DNAH9: variants seen among roughly 807,000 people sequenced by gnomAD.
DNAH9 encodes dynein axonemal heavy chain 9.
Under a neutral mutation model 471.6 loss-of-function variants are expected in DNAH9, and 345 were observed. The observed-to-expected ratio is 0.73, with a 90% CI of 0.67 to 0.80. DNAH9 has a LOEUF of 0.80. Ranked by LOEUF, DNAH9 falls within the 30% of genes least tolerant of loss-of-function variation. DNAH9 has a pLI of 0.00. For missense variants in DNAH9, 5,407 were observed against 5,609.2 expected (o/e 0.96, Z 1.15); for synonymous variants, 2,093 against 2,123.6 (o/e 0.99, Z 0.40).
At chr17:11,799,912 C>T (rs957667735) in intron 43 of DNAH9, among the ~76,000 whole-genome samples, 14 of 152,066 alleles carry the variant, frequency 9.2e-5, no homozygotes, top group African/African-American at 3.4e-4. Context: ...CTACCCGTGC[C>T]CCTAAGCAGC....
chr17:11,730,950 GAT>G (rs1491354861), intron 28 of DNAH9, among the ~76,000 whole-genome samples: 25 of 148,682 alleles, frequency 1.7e-4, no homozygotes, highest in Non-Finnish European at 3.1e-4. Context: ...CGGTGATGAT[GAT>G]GATGGTGGTG....
chr17:11,875,089 C>A lies in DNAH9; in HGVS notation c.10383C>A (p.Arg3461=). The change falls in exon 53 of 69, where the codon CGC becomes CGA. Residue 3461 remains arginine, a synonymous_variant. Transcript: ENST00000262442. ...ENATILINCE[R]WPLMVDPQLQ... ...CCACCATTCTCATCAACTGTGAGCG[C>A]TGGCCACTCATGGTTGACCCTCAGC... 1 of 1,614,168 alleles carries A rather than the reference C, an allele frequency of 6.2e-7. No homozygotes were observed. Among genetic ancestry groups the A allele is most frequent in the East Asian group, 2.2e-5 (1 of 44,878 alleles).
At chr17:11,834,261 G>A (rs571264441) in intron 48 of DNAH9, among the ~76,000 whole-genome samples, 93 of 149,578 alleles carry the variant, frequency 6.2e-4, no homozygotes, top group Non-Finnish European at 1.6e-4. Flanking sequence ...CCCAGGAGGC[G>A]GAGGTTGCAG....
intron 28 of DNAH9, among the ~76,000 whole-genome samples, chr17:11,729,129 G>A (rs1260391816): frequency 6.6e-6 from 1 of 152,178 alleles, no homozygotes; most frequent in Non-Finnish European, 1.5e-5. Flanking sequence ...CAATATGAAG[G>A]AGGGGCTGAG....
chr17:11,679,385 A>T (rs1300734947), intron 17 of DNAH9, among the ~76,000 whole-genome samples: 2 of 152,208 alleles, frequency 1.3e-5, no homozygotes, highest in Non-Finnish European at 2.9e-5. Context: ...AAATTTTGCC[A>T]CTTCTCTGAA....
Position 11,763,535 on chromosome 17 carries a change from A to T in DNAH9, c.7091A>T (p.Asp2364Val). ...CTGACCACGGAGGACATCCCTGCAG[A>T]CTGCCCTAAGGAAATTTATGAGCAT... is the stretch of plus-strand genomic sequence containing the variant. ...CLLTTEDIPADCPKEIYEHYF... is the reference protein window; with the variant it reads ...CLLTTEDIPAVCPKEIYEHYF... Residue 2364 changes from aspartate to valine, a missense_variant, in exon 36 of 69, where the codon GAC becomes GTC. Coordinates refer to ENST00000262442, the MANE Select transcript of DNAH9 (RefSeq NM_001372.4). 1 of 1,614,032 alleles carries T rather than the reference A, an allele frequency of 6.2e-7. No individual in the cohort carries two copies. The highest frequency in any genetic ancestry group is 8.5e-7 in the Non-Finnish European group (1 of 1,179,884).
intron 39 of DNAH9, among the ~76,000 whole-genome samples, chr17:11,782,009 G>A (rs562466377): frequency 3.0e-4 from 45 of 150,784 alleles, no homozygotes; most frequent in African/African-American, 8.5e-4. Context: ...AAAAAAGCAA[G>A]TCACTGATTT....
At chr17:11,714,659 A>C (rs1471139922) in intron 26 of DNAH9, among the ~76,000 whole-genome samples, 1 of 152,150 alleles carries the variant, frequency 6.6e-6, no homozygotes, top group African/African-American at 2.4e-5. Flanking sequence ...ATTTAGGTAG[A>C]CTTAATATAA....
In DNAH9 at chr17:11,946,005, C is replaced by T. The variant is rs376641416; in HGVS notation, c.12843+3520C>T. On this transcript the variant is annotated intron_variant, in intron 67 of 68. Transcript: ENST00000262442. The stretch of plus-strand genomic sequence containing the variant: ...GTTGAGGTCAGGAGTTGGAGACAAG[C>T]CTGGCCAACATGGTGAAACCTCATC... 3.3e-5 allele frequency among the ~76,000 whole-genome samples: 5 copies of T among 151,958 alleles called. No individual in the cohort carries two copies. In the East Asian group the frequency reaches 9.7e-4, roughly 30 times the overall value.
chr17:11,883,714 G>A lies in DNAH9; in HGVS notation c.10935G>A (p.Glu3645=), dbSNP rs1387024634. ...AAACAGTGCTGGTGGAAAACCTAGA[G>A]ATCACCAAGCAGACTGCTGCCGAAG... The part of the protein sequence containing the change: ...LGETVLVENL[E]ITKQTAAEVE... Residue 3645 remains glutamate (E), a synonymous_variant, in exon 56 of 69, where the codon GAG becomes GAA. Coordinates refer to ENST00000262442, the MANE Select transcript of DNAH9 (RefSeq NM_001372.4). The A allele has an allele frequency of 1.2e-6, 2 of 1,614,016 alleles. No homozygotes were observed. The highest frequency in any genetic ancestry group is 1.7e-5 in the Admixed American group (1 of 60,004).
At chr17:11,708,320 C>T (rs994181431) in intron 26 of DNAH9, among the ~76,000 whole-genome samples, 2 of 152,124 alleles carry the variant, frequency 1.3e-5, no homozygotes, top group Non-Finnish European at 1.5e-5. Context: ...GACTTAGGGG[C>T]AAGGTCTGTC....
At chr17:11,658,249 G>T (rs1367673920) in intron 14 of DNAH9, among the ~76,000 whole-genome samples, 2 of 151,970 alleles carry the variant, frequency 1.3e-5, no homozygotes, top group South Asian at 2.1e-4. Flanking sequence ...ATTAAATCTA[G>T]CACCAAGTTT....
At chr17:11,946,595 C>T (rs796714882) in intron 67 of DNAH9, among the ~76,000 whole-genome samples, 4 of 142,982 alleles carry the variant, frequency 2.8e-5, no homozygotes, top group African/African-American at 5.2e-5. Context: ...ACCCGGGAGG[C>T]GGAGCTTGCA....
At chr17:11,883,252 C>T (rs9303041) in intron 55 of DNAH9, 187,157 of 1,031,878 alleles carry the variant, frequency 0.18, 17,545 homozygotes, top group East Asian at 0.32. Flanking sequence ...GGACCCTAAC[C>T]CTCTAGTTAC....
At chr17:11,639,921 T>C (rs1191833124) in intron 9 of DNAH9, among the ~76,000 whole-genome samples, 2 of 152,174 alleles carry the variant, frequency 1.3e-5, no homozygotes, top group Non-Finnish European at 2.9e-5. Context: ...GAGAATCACC[T>C]GAACCTGGGA....
chr17:11,788,965 A>G (rs1376325525), intron 41 of DNAH9, among the ~76,000 whole-genome samples: 3 of 152,084 alleles, frequency 2.0e-5, no homozygotes, highest in Non-Finnish European at 4.4e-5. Flanking sequence ...AAACTTAACA[A>G]ATGATTTTTC....
Position 11,651,159 on chromosome 17 carries a change from G to A in DNAH9, c.2188G>A (p.Asp730Asn), listed in dbSNP as rs548487073. Residue 730 changes from aspartate to asparagine, a missense_variant, in exon 13 of 69, where the codon GAT becomes AAT. Physicochemically the swap from Asp to Asn is conservative, Grantham distance 23 (BLOSUM62 1). Coordinates refer to ENST00000262442, the MANE Select transcript of DNAH9 (RefSeq NM_001372.4). Reference protein sequence around the residue: ...ETAAAMFSSRDFYRQLVANLE... With the variant: ...ETAAAMFSSRNFYRQLVANLE... ...AGCAGCAGCCATGTTCTCCTCCAGG[G>A]ATTTCTATCGGCAGCTTGTGGCTAA... 7.6e-5 allele frequency: 122 copies of A among 1,614,114 alleles called. No homozygotes were observed. The South Asian group carries it at 1.3e-3, about 17-fold the overall frequency.
intron 11 of DNAH9, among the ~76,000 whole-genome samples, chr17:11,646,703 C>T (rs947897829): frequency 1.3e-5 from 2 of 152,096 alleles, no homozygotes; most frequent in Non-Finnish European, 2.9e-5. Flanking sequence ...CACCTGAGGT[C>T]GGGAGCTCGA....
chr17:11,620,608 C>G (rs188768189), intron 6 of DNAH9, among the ~76,000 whole-genome samples: 19 of 152,084 alleles, frequency 1.2e-4, no homozygotes, highest in South Asian at 1.2e-3. Flanking sequence ...TTAGGAAATC[C>G]TGATCATAGA....
Sources: gnomAD v4.1 joint callset for allele counts (sites outside exome capture counted in the v4.1 genomes callset) on GRCh38, gnomAD v4.1.1 for gene constraint, MANE v1.5 for transcripts, NCBI Gene and HGNC (gene_info 2026-07-23, HGNC 2026-07-21) for gene names.